Variants in BRAP observed in about 807,000 individuals in gnomAD.
The protein encoded by BRAP is BRCA1-associated protein.
Under a neutral mutation model 73.4 loss-of-function variants are expected in BRAP, and 42 were observed. That is an observed-to-expected ratio of 0.57 (90% CI 0.45 to 0.74). The LOEUF (loss-of-function observed/expected upper bound fraction) is 0.74. BRAP is among the 30% of genes least tolerant of loss of function. The pLI is 0.00. For missense variants in BRAP, 593 were observed against 751.4 expected (o/e 0.79, Z 2.46); for synonymous variants, 255 against 267.4 (o/e 0.95, Z 0.45).
In BRAP at chr12:111,685,754, C is replaced by T; in HGVS notation, c.39G>A (p.Ala13=). 6.2e-7 allele frequency: 1 copy of T among 1,609,980 alleles called. No individual in the cohort carries two copies. The highest frequency in any genetic ancestry group is 8.5e-7 in the Non-Finnish European group (1 of 1,178,890). The part of the protein sequence containing the change: ...VSLVVIRLEL[A]EHSPVPAGFG... ...AGCCGGCGGGGACAGGCGAGTGTTC[C>T]GCGAGCTCCAATCGGATAACAACCA... is the stretch of plus-strand genomic sequence containing the variant. Residue 13 remains alanine, a synonymous_variant, in exon 1 of 12, where the codon GCG becomes GCA. Coordinates refer to ENST00000419234, the MANE Select transcript of BRAP (RefSeq NM_006768.5).
intron 5 of BRAP, among the ~76,000 whole-genome samples, chr12:111,667,984 G>A (rs1258760362): frequency 4.6e-5 from 7 of 152,078 alleles, no homozygotes; most frequent in South Asian, 2.1e-4. Context: ...CAAGGCAGGC[G>A]GATCACGAGG....
At chr12:111,647,643 C>T (rs772066522) in intron 11 of BRAP, among the ~76,000 whole-genome samples, 68 of 152,158 alleles carry the variant, frequency 4.5e-4, no homozygotes, top group Admixed American at 3.7e-3. Context: ...CGGTGGCTCA[C>T]GCCTGTAAAA....
chr12:111,648,824 G>A (rs1886214316), intron 11 of BRAP, among the ~76,000 whole-genome samples: 2 of 151,622 alleles, frequency 1.3e-5, no homozygotes, highest in African/African-American at 4.9e-5. Context: ...CTATTGGGAG[G>A]CTGAGGCAGG....
intron 3 of BRAP, 86 bp downstream of exon 3, chr12:111,681,551 C>G: frequency 8.9e-7 from 1 of 1,119,796 alleles, no homozygotes; most frequent in Non-Finnish European, 1.3e-6. Flanking sequence ...TACCCACTTT[C>G]CTTCAGGACA....
intron 6 of BRAP, among the ~76,000 whole-genome samples, chr12:111,663,843 TC>T (rs1417574465): frequency 6.6e-6 from 1 of 152,148 alleles, no homozygotes; most frequent in African/African-American, 2.4e-5. Flanking sequence ...ATGTCTTACA[TC>T]CCATATGACA....
Position 111,663,474 on chromosome 12 carries a change from T to C in BRAP, c.896+2165A>G, listed in dbSNP as rs376127896. 7.9e-5 allele frequency among the ~76,000 whole-genome samples: 12 copies of C among 152,054 alleles called. 1 individual carries two copies. In the East Asian group the frequency reaches 9.6e-4, roughly 12 times the overall value. On this transcript the variant is annotated intron_variant, in intron 6 of 11. Transcript: ENST00000419234. ...TCTCAAAAAATAATAATAATAATAATTAACAGTTTATTAAATTCTTCCTGC... is the reference window on the plus strand; with the variant it reads ...TCTCAAAAAATAATAATAATAATAACTAACAGTTTATTAAATTCTTCCTGC...
intron 4 of BRAP, among the ~76,000 whole-genome samples, chr12:111,677,925 G>C (rs1251681013): frequency 2.0e-5 from 3 of 152,114 alleles, no homozygotes; most frequent in Non-Finnish European, 4.4e-5. Flanking sequence ...CTTCTCTCTG[G>C]AGATCACAGA....
Position 111,685,676 on chromosome 12 carries a change from G to A in BRAP, c.82+35C>T, listed in dbSNP as rs776010863. 3.8e-6 allele frequency: 6 copies of A among 1,587,478 alleles called. No individual in the cohort carries two copies. In the South Asian group the frequency reaches 4.5e-5, roughly 12 times the overall value. On this transcript the variant is annotated intron_variant, in intron 1 of 11. Transcript: ENST00000419234. The stretch of plus-strand genomic sequence containing the variant: ...AGGGAAGCCCTCCGGGCCCAGACCC[G>A]GCTACAGGGAATGCGGCGAGGCCGC...
intron 2 of BRAP, among the ~76,000 whole-genome samples, chr12:111,682,273 G>C (rs938871818): frequency 6.6e-6 from 1 of 152,092 alleles, no homozygotes; most frequent in African/African-American, 2.4e-5. Flanking sequence ...TGTAATCCCA[G>C]CACTTTGGGA....
chr12:111,675,820 A>G (rs1887357512), intron 4 of BRAP, among the ~76,000 whole-genome samples: 1 of 152,092 alleles, frequency 6.6e-6, no homozygotes, highest in Admixed American at 6.6e-5. Context: ...TACTTCTCCA[A>G]GGAGGTGTCT....
chr12:111,661,286 T>G (rs1403935168), intron 6 of BRAP, among the ~76,000 whole-genome samples: 1 of 151,148 alleles, frequency 6.6e-6, no homozygotes, highest in East Asian at 1.9e-4. Context: ...CTTGTTTTTT[T>G]TTTTTTTTTT....
chr12:111,676,862 C>A (rs1158076897), intron 4 of BRAP, among the ~76,000 whole-genome samples: 3 of 152,176 alleles, frequency 2.0e-5, no homozygotes, highest in African/African-American at 7.2e-5. Flanking sequence ...TCCAGTCTTA[C>A]ACCAAGAGGG....
At chr12:111,661,964 G>A (rs931818927) in intron 6 of BRAP, among the ~76,000 whole-genome samples, 7 of 151,978 alleles carry the variant, frequency 4.6e-5, no homozygotes, top group Admixed American at 4.6e-4. Flanking sequence ...ATGAGCCACC[G>A]CACCTGGCTA....
chr12:111,673,041 T>C (rs2135922869), intron 4 of BRAP: 1 of 366,804 alleles, frequency 2.7e-6, no homozygotes, highest in East Asian at 4.4e-5. Flanking sequence ...TGCAACAAGC[T>C]GAAAGCTGGT....
At chr12:111,683,119 G>T in intron 2 of BRAP, 27 bp downstream of exon 2, 1 of 1,601,236 alleles carries the variant, frequency 6.2e-7, no homozygotes, top group Non-Finnish European at 8.5e-7. Context: ...CATTACAAAA[G>T]AGAGTCCAGG....
At chr12:111,664,706 C>T (rs1010027280) in intron 6 of BRAP, among the ~76,000 whole-genome samples, 2 of 152,240 alleles carry the variant, frequency 1.3e-5, no homozygotes, top group East Asian at 1.9e-4. Flanking sequence ...ATTCTTCTTC[C>T]GGCCACCAGG....
At chr12:111,659,122 C>G in intron 8 of BRAP, 85 bp downstream of exon 8, 1 of 1,486,780 alleles carries the variant, frequency 6.7e-7, no homozygotes, top group Non-Finnish European at 9.1e-7. Flanking sequence ...GATGACATTT[C>G]AAGCTGGGAG....
At chr12:111,671,713 G>T (rs565962960) in intron 5 of BRAP, among the ~76,000 whole-genome samples, 9 of 146,396 alleles carry the variant, frequency 6.1e-5, no homozygotes, top group Admixed American at 4.1e-4. Flanking sequence ...TTGAGACAGG[G>T]TCTCACTGTT....
chr12:111,672,830 GC>G, intron 4 of BRAP, 56 bp from the exon 5 acceptor site: 1 of 1,378,120 alleles, frequency 7.3e-7, no homozygotes, highest in Non-Finnish European at 1.0e-6. Flanking sequence ...CTGAAAATCT[GC>G]TTTATATTCA....
Sources: allele counts gnomAD v4.1 joint callset (sites outside exome capture counted in the v4.1 genomes callset), GRCh38; gene constraint gnomAD v4.1.1; transcripts MANE v1.5; gene names NCBI Gene and HGNC (gene_info 2026-07-23, HGNC 2026-07-21).